KRT8: variants seen among roughly 807,000 people sequenced by gnomAD.
KRT8 encodes keratin 8.
Under a neutral mutation model 43.0 loss-of-function variants are expected in KRT8, and 24 were observed. The ratio of observed to expected loss-of-function variants is 0.56; its 90% CI spans 0.40 to 0.78. The LOEUF (loss-of-function observed/expected upper bound fraction) is 0.78, where lower values mean the gene tolerates loss of function less well. KRT8 is among the 30% of genes least tolerant of loss of function. The pLI, the probability that KRT8 is intolerant of heterozygous loss-of-function variation, is 0.00. For missense variants in KRT8, 492 were observed against 638.4 expected (o/e 0.77, Z 2.47); for synonymous variants, 214 against 261.2 (o/e 0.82, Z 1.74).
At chr12:52,900,088 GTGAGGCCC>G in intron 4 of KRT8, 23 bp from the exon 5 acceptor site, 1 of 1,611,116 alleles carries the variant, frequency 6.2e-7, no homozygotes. Flanking sequence ...AGGGCAAGTG[GTGAGGCCC>G]TGTCTCTGCA....
Position 52,918,099 on chromosome 12 carries a change from G to GGAAGAA in KRT8, c.-46-13078_-46-13073dup, listed in dbSNP as rs200659475. On this transcript the variant is annotated intron_variant, in intron 2 of 6. Transcript: ENST00000546826. The stretch of plus-strand genomic sequence containing the variant: ...GAGGAGGAGGAGGAGAAGAAGAAGA[G>GGAAGAA]GAAGAAGAAGAAGAAGAAGAGGAAG... Among the ~76,000 whole-genome samples the GGAAGAA allele has an allele frequency of 2.5e-5, 3 of 119,034 alleles. 1 individual carries two copies. Among genetic ancestry groups the GGAAGAA allele is most frequent in the African/African-American group, 6.6e-5 (2 of 30,330 alleles). The allele number at this position is 119,034 out of a possible 152,430, so 78.1% of individuals were successfully genotyped here. A position where few individuals can be genotyped will look rare whatever the true frequency, so the allele number is the denominator to read the frequency against.
At chr12:52,926,331 T>TGGCCCCCCCCCCCCCCCCCCCCCGCAGTG in intron 2 of KRT8, 1 of 701,186 alleles carries the variant, frequency 1.4e-6, no homozygotes, top group Admixed American at 2.2e-5. Context: ...TGGCACTAGC[T>TGGCCCCCCCCCCCCCCCCCCCCCGCAGTG]GCCCTCCCCA....
At chr12:52,912,614 A>G (rs1941657134) in intron 2 of KRT8, among the ~76,000 whole-genome samples, 1 of 152,208 alleles carries the variant, frequency 6.6e-6, no homozygotes, top group Admixed American at 6.5e-5. Context: ...CAGAAGACAA[A>G]GTTGCATAGG....
chr12:52,909,782 A>G (rs560721063), upstream of KRT8, among the ~76,000 whole-genome samples: 1 of 152,310 alleles, frequency 6.6e-6, no homozygotes, highest in South Asian at 2.1e-4. Context: ...CGCACTGAAG[A>G]TGAAAATCTG....
intron 4 of KRT8, 88 bp from the exon 5 acceptor site, chr12:52,900,153 CA>C (rs1941330868): frequency 7.3e-7 from 1 of 1,361,922 alleles, no homozygotes; most frequent in Non-Finnish European, 1.0e-6. Flanking sequence ...GGGTATAAGA[CA>C]GGGGCAGCAG....
In KRT8 at chr12:52,898,767, G is replaced by A. The variant is rs138743271; in HGVS notation, c.1114C>T (p.Arg372Cys). Residue 372 changes from arginine to cysteine, a missense_variant, in exon 6 of 8, where the codon CGT becomes TGT. Arg to Cys is a radical substitution (Grantham distance 180, BLOSUM62 -3). Around this residue, in one of 3 missense-constraint regions of KRT8, gnomAD observed 389 missense variants for 485.7 expected, o/e 0.80. Coordinates refer to ENST00000692008, the Ensembl canonical transcript of KRT8. ...ACGTTCATCAGCTCCTGGTACTCAC[G>A]CAGCTGCCGCGCCATGTCCTGCTTG... 19 of 1,614,124 alleles carry A rather than the reference G, an allele frequency of 1.2e-5. No individual in the cohort carries two copies. The African/African-American group carries it at 2.1e-4, about 18-fold the overall frequency.
chr12:52,926,332 G>GGCCCCCCC, intron 2 of KRT8: 13 of 600,244 alleles, frequency 2.2e-5, no homozygotes, highest in East Asian at 3.3e-5. Flanking sequence ...GGCACTAGCT[G>GGCCCCCCC]CCCTCCCCAC....
At chr12:52,946,838 A>C (rs1227327785) in intron 2 of KRT8, 1 of 152,062 alleles carries the variant, frequency 6.6e-6, no homozygotes, top group African/African-American at 2.4e-5. Context: ...GCCAGCTTCC[A>C]CCCTGACTGC....
At chr12:52,897,417 G>T (rs749368577) in exon 8 of KRT8, 13 of 1,597,532 alleles carry the variant, frequency 8.1e-6, no homozygotes, top group Middle Eastern at 1.9e-4. Context: ...GGGAGGGGCT[G>T]CCGCAGCTGT....
At chr12:52,899,620 G>A (rs1941311278) in intron 5 of KRT8, among the ~76,000 whole-genome samples, 155 bp downstream of exon 5, 1 of 152,056 alleles carries the variant, frequency 6.6e-6, no homozygotes, top group Non-Finnish European at 1.5e-5. Flanking sequence ...CTTCTCAGAA[G>A]CAGACTGAGA....
intron 2 of KRT8, among the ~76,000 whole-genome samples, chr12:52,914,480 C>T (rs937907325): frequency 1.3e-5 from 2 of 151,344 alleles, no homozygotes; most frequent in African/African-American, 4.9e-5. Context: ...GAGGTTGCAG[C>T]GAGCTGTGAT....
intron 2 of KRT8, among the ~76,000 whole-genome samples, chr12:52,932,092 CT>C (rs139882612): frequency 0.022 from 2,883 of 128,642 alleles, 51 homozygotes; most frequent in African/African-American, 0.071. Flanking sequence ...GTAAATCATT[CT>C]TTTTTTTTTT....
chr12:52,914,615 A>T (rs1455660512), intron 2 of KRT8, among the ~76,000 whole-genome samples: 1 of 152,224 alleles, frequency 6.6e-6, no homozygotes. Context: ...CCAAAGTTAC[A>T]GGTGTGAGCC....
At chr12:52,928,468 C>T (rs1312119397) in intron 2 of KRT8, among the ~76,000 whole-genome samples, 2 of 152,128 alleles carry the variant, frequency 1.3e-5, no homozygotes, top group Non-Finnish European at 2.9e-5. Flanking sequence ...GTGCTCTGAT[C>T]CACACACCCC....
chr12:52,937,663 G>A (rs912455403), intron 2 of KRT8, among the ~76,000 whole-genome samples: 37 of 151,116 alleles, frequency 2.4e-4, no homozygotes, highest in Admixed American at 1.1e-3. Context: ...ACTCCAGCCT[G>A]GGTGAGGGAG....
chr12:52,930,217 A>ATTTT (rs35917845), intron 2 of KRT8, among the ~76,000 whole-genome samples: 6 of 146,390 alleles, frequency 4.1e-5, no homozygotes, highest in Non-Finnish European at 3.0e-5. Flanking sequence ...CAATTCTATC[A>ATTTT]TTTTTTTTTT....
rs573304296 is a variant in KRT8 at position 52,923,409 on chromosome 12, ATTGTTTTGTT to A, written c.-46-18392_-46-18383del. Among the ~76,000 whole-genome samples the A allele has an allele frequency of 9.2e-5, 14 of 152,012 alleles. No homozygotes were observed. In the East Asian group the frequency reaches 2.1e-3, roughly 23 times the overall value. On this transcript the variant is annotated intron_variant, in intron 2 of 6. Coordinates refer to the KRT8 transcript ENST00000546826. The stretch of plus-strand genomic sequence containing the variant: ...AAGGGGCAGGACCATTTATTCCTAA[ATTGTTTTGTT>A]TTGTTTTGTTTTGTTTTTGAGATGG...
At chr12:52,907,013 C>A, upstream of KRT8, 1 of 275,894 alleles carries the variant, frequency 3.6e-6, no homozygotes, top group Non-Finnish European at 7.3e-6. Context: ...CACACACACA[C>A]CCCACACATT....
intron 1 of KRT8, 124 bp from the exon 2 acceptor site, chr12:52,902,196 C>G: frequency 2.9e-6 from 2 of 686,984 alleles, no homozygotes; most frequent in Admixed American, 4.2e-5. Context: ...CCCCAGGCAC[C>G]TGGTTAGCTG....
Sources: gnomAD v4.1 joint callset for allele counts (sites outside exome capture counted in the v4.1 genomes callset) on GRCh38, gnomAD v4.1.1 for gene constraint, gnomAD v4.1.1 regional missense constraint, MANE v1.5 for transcripts, NCBI Gene and HGNC (gene_info 2026-07-23, HGNC 2026-07-21) for gene names.